UBE2E2: variants seen among roughly 807,000 people sequenced by gnomAD.
The protein encoded by UBE2E2 is ubiquitin conjugating enzyme E2 E2.
Under a neutral mutation model 24.7 loss-of-function variants are expected in UBE2E2, and 6 were observed. The ratio of observed to expected loss-of-function variants is 0.24; its 90% CI spans 0.13 to 0.48. The LOEUF is 0.48. UBE2E2 is among the 20% of genes least tolerant of loss of function. UBE2E2 has a pLI of 0.99. For synonymous variants in UBE2E2, 104 were observed against 83.6 expected (o/e 1.24, Z -1.33); for missense variants, 169 against 245.0 (o/e 0.69, Z 2.07).
chr3:23,204,642 G>C (rs767705131), intron 1 of UBE2E2: 4 of 960,914 alleles, frequency 4.2e-6, no homozygotes, highest in Non-Finnish European at 5.0e-6. Context: ...CGCTGAAATA[G>C]AGTGTTTTCA....
At position 23,499,661 on chromosome 3, in the gene UBE2E2, C is replaced by A; in HGVS notation, c.281C>A (p.Pro94His). The change falls in exon 4 of 6, where the codon CCC becomes CAC. Residue 94 changes from proline (P) to histidine (H), a missense_variant. Physicochemically the swap from Pro to His is moderately conservative, Grantham distance 77 (BLOSUM62 -2). Coordinates refer to ENST00000396703, the MANE Select transcript of UBE2E2 (RefSeq NM_152653.4). The part of the protein sequence containing the change: ...IYEWRSTILG[P>H]PGSVYEGGVF... ...GAATGGAGGTCAACTATATTGGGAC[C>A]CCCAGGATCTGTCTATGAAGGAGGG... The A allele has an allele frequency of 6.2e-7, 1 of 1,613,858 alleles. No homozygotes were observed. The highest frequency in any genetic ancestry group is 8.5e-7 in the Non-Finnish European group (1 of 1,179,880).
rs865880252 is a variant in UBE2E2 at position 23,545,029 on chromosome 3, G to A, written c.508+12328G>A. Among the ~76,000 whole-genome samples, 10 of 152,356 alleles carry A rather than the reference G, an allele frequency of 6.6e-5. No individual in the cohort carries two copies. The East Asian group carries it at 1.5e-3, about 24-fold the overall frequency. On this transcript the variant is annotated intron_variant, in intron 5 of 5. Transcript: ENST00000396703. ...GCTTTACAAAGCAGTATTGCTGCCCGCATGTCCCACCTCCAGCCCTAAGGC... is the reference window on the plus strand; with the variant it reads ...GCTTTACAAAGCAGTATTGCTGCCCACATGTCCCACCTCCAGCCCTAAGGC...
upstream of UBE2E2, chr3:23,203,234 C>T: frequency 4.0e-6 from 4 of 987,988 alleles, no homozygotes; most frequent in Admixed American, 6.2e-5. Flanking sequence ...CTGGAACGGC[C>T]GGGGGCGGCG....
At chr3:23,304,165 C>T (rs1263123381) in intron 3 of UBE2E2, among the ~76,000 whole-genome samples, 2 of 152,172 alleles carry the variant, frequency 1.3e-5, no homozygotes, top group Non-Finnish European at 2.9e-5. Context: ...CTAACCTTAG[C>T]AGGCCACTTT....
At chr3:23,560,485 G>C (rs529870445) in intron 5 of UBE2E2, among the ~76,000 whole-genome samples, 52 of 152,148 alleles carry the variant, frequency 3.4e-4, no homozygotes, top group Admixed American at 2.2e-3. Flanking sequence ...ATTTGGGTTG[G>C]TTCCAAGTCT....
chr3:23,561,999 T>C (rs954678399), intron 5 of UBE2E2, among the ~76,000 whole-genome samples: 33 of 152,238 alleles, frequency 2.2e-4, no homozygotes, highest in African/African-American at 6.8e-4. Flanking sequence ...AGATATACAA[T>C]CATGTGACCT....
chr3:23,225,902 C>G (rs761540707), intron 3 of UBE2E2, among the ~76,000 whole-genome samples: 8 of 151,152 alleles, frequency 5.3e-5, no homozygotes, highest in Admixed American at 1.3e-4. Context: ...GTTTTTGAGA[C>G]AGAGTCTTGC....
chr3:23,532,115 G>C (rs1458390471), intron 4 of UBE2E2, among the ~76,000 whole-genome samples: 2 of 150,612 alleles, frequency 1.3e-5, no homozygotes. Context: ...TATTTTCTTT[G>C]TATTAGTACT....
intron 3 of UBE2E2, among the ~76,000 whole-genome samples, chr3:23,248,936 T>C (rs185116872): frequency 3.9e-5 from 6 of 152,322 alleles, no homozygotes; most frequent in Admixed American, 3.3e-4. Context: ...TATTCAAAGG[T>C]AATTTTGAGT....
At chr3:23,228,130 A>G (rs1245666806) in intron 3 of UBE2E2, among the ~76,000 whole-genome samples, 2 of 152,200 alleles carry the variant, frequency 1.3e-5, no homozygotes, top group African/African-American at 4.8e-5. Flanking sequence ...TGTTATTTCA[A>G]AATGTTATTG....
chr3:23,292,076 T>C (rs1242093817), intron 3 of UBE2E2, among the ~76,000 whole-genome samples: 2 of 152,018 alleles, frequency 1.3e-5, no homozygotes, highest in East Asian at 3.9e-4. Flanking sequence ...ACCAGGATGG[T>C]CTTGATCTCC....
chr3:23,388,109 A>C lies in UBE2E2; in HGVS notation c.228-111499A>C, dbSNP rs183700423. ...AATTCTCAGCTACCTAAGAAAAATT[A>C]CCAAACCTTTTTCAAAGAAATTAAG... On this transcript the variant is annotated intron_variant, in intron 3 of 5. Transcript: ENST00000396703. 2.2e-3 allele frequency among the ~76,000 whole-genome samples: 342 copies of C among 152,320 alleles called. 1 individual carries two copies. The highest frequency in any genetic ancestry group is 2.8e-3 in the Non-Finnish European group (192 of 68,030).
chr3:23,357,293 C>T (rs189078371), intron 3 of UBE2E2, among the ~76,000 whole-genome samples: 30 of 151,960 alleles, frequency 2.0e-4, no homozygotes, highest in South Asian at 6.2e-4. Flanking sequence ...TGTTTGTTAC[C>T]GTAAGTGCTT....
intron 3 of UBE2E2, among the ~76,000 whole-genome samples, chr3:23,283,887 T>G (rs1698545920): frequency 6.6e-6 from 1 of 152,134 alleles, no homozygotes; most frequent in Non-Finnish European, 1.5e-5. Context: ...CAACAGTGTT[T>G]AAAAGGCCCT....
chr3:23,387,447 C>G (rs1321730507), intron 3 of UBE2E2, among the ~76,000 whole-genome samples: 1 of 152,174 alleles, frequency 6.6e-6, no homozygotes, highest in East Asian at 1.9e-4. Flanking sequence ...CCCTTAAGTG[C>G]TATGATTGTG....
At chr3:23,487,825 C>G (rs1461444549) in intron 3 of UBE2E2, among the ~76,000 whole-genome samples, 2 of 152,164 alleles carry the variant, frequency 1.3e-5, no homozygotes, top group East Asian at 3.8e-4. Flanking sequence ...TATTCTTCAA[C>G]AAGCATTTAT....
At chr3:23,524,090 T>A (rs886185253) in intron 4 of UBE2E2, among the ~76,000 whole-genome samples, 2 of 151,680 alleles carry the variant, frequency 1.3e-5, no homozygotes, top group East Asian at 3.8e-4. Context: ...TTGAAAAACA[T>A]TATCATTGAA....
At chr3:23,298,770 C>G (rs1698985829) in intron 3 of UBE2E2, among the ~76,000 whole-genome samples, 1 of 151,990 alleles carries the variant, frequency 6.6e-6, no homozygotes, top group Non-Finnish European at 1.5e-5. Context: ...GTGTCTCTGC[C>G]AGGCTTTGGT....
intron 3 of UBE2E2, among the ~76,000 whole-genome samples, chr3:23,300,842 T>C (rs1276857890): frequency 6.6e-6 from 1 of 152,164 alleles, no homozygotes; most frequent in African/African-American, 2.4e-5. Flanking sequence ...CCTTGCTAGA[T>C]TGGGGAAGTT....
Sources: allele counts gnomAD v4.1 joint callset (sites outside exome capture counted in the v4.1 genomes callset), GRCh38; gene constraint gnomAD v4.1.1; transcripts MANE v1.5; gene names NCBI Gene and HGNC (gene_info 2026-07-23, HGNC 2026-07-21).